The following RNF38 variants were observed in gnomAD, a reference collection of about 807,000 sequenced individuals.
RNF38 encodes the protein ring finger protein 38, also known as E3 ubiquitin-protein ligase RNF38.
RNF38 carries 15 observed loss-of-function variants against 67.2 expected under a neutral mutation model. The observed-to-expected ratio is 0.22, with a 90% confidence interval of 0.15 to 0.34. RNF38 has a LOEUF of 0.34. RNF38 is among the 10% of genes least tolerant of loss of function. The pLI is 1.00. For missense variants in RNF38, 524 were observed against 639.9 expected (o/e 0.82, Z 1.95); for synonymous variants, 220 against 218.8 (o/e 1.01, Z -0.05).
At chr9:36,393,255 A>C (rs898509392) in intron 1 of RNF38, among the ~76,000 whole-genome samples, 1 of 152,146 alleles carries the variant, frequency 6.6e-6, no homozygotes, top group African/African-American at 2.4e-5. Flanking sequence ...AGACAAATGA[A>C]AAACTGGCCA....
chr9:36,357,408 T>G (rs940982336), intron 5 of RNF38, among the ~76,000 whole-genome samples: 2 of 152,200 alleles, frequency 1.3e-5, no homozygotes, highest in Admixed American at 1.3e-4. Flanking sequence ...TGTTGAACAA[T>G]AAGGTCTCTG....
At chr9:36,457,764 C>T (rs1040343381) in intron 1 of RNF38, among the ~76,000 whole-genome samples, 2 of 151,836 alleles carry the variant, frequency 1.3e-5, no homozygotes, top group Non-Finnish European at 2.9e-5. Flanking sequence ...AAAAATTAAC[C>T]AGGCATGGTG....
intron 1 of RNF38, among the ~76,000 whole-genome samples, chr9:36,440,579 A>C (rs927179966): frequency 2.0e-5 from 3 of 152,122 alleles, no homozygotes; most frequent in African/African-American, 7.2e-5. Flanking sequence ...ACTGACATGG[A>C]AAAGTTACCA....
At chr9:36,430,744 T>C (rs774851079) in intron 1 of RNF38, among the ~76,000 whole-genome samples, 2 of 151,764 alleles carry the variant, frequency 1.3e-5, no homozygotes, top group Non-Finnish European at 2.9e-5. Flanking sequence ...GCGGCGGGGG[T>C]GCGGTTTCCA....
At chr9:36,393,908 A>C (rs1196810583) in intron 1 of RNF38, among the ~76,000 whole-genome samples, 1 of 152,190 alleles carries the variant, frequency 6.6e-6, no homozygotes, top group Non-Finnish European at 1.5e-5. Flanking sequence ...ACGACCAGCA[A>C]GAAATGGGGG....
At chr9:36,457,296 A>C (rs1429229066) in intron 1 of RNF38, among the ~76,000 whole-genome samples, 1 of 152,246 alleles carries the variant, frequency 6.6e-6, no homozygotes, top group Non-Finnish European at 1.5e-5. Context: ...CCCATACTGC[A>C]TACAGGTAAC....
chr9:36,464,789 T>C (rs780389680), intron 1 of RNF38, among the ~76,000 whole-genome samples: 20 of 152,154 alleles, frequency 1.3e-4, no homozygotes, highest in Non-Finnish European at 1.2e-4. Flanking sequence ...TACATAATTG[T>C]GTGGAACATT....
At chr9:36,387,018 A>G (rs2265347) in intron 2 of RNF38, among the ~76,000 whole-genome samples, 90,670 of 152,024 alleles carry the variant, frequency 0.6, 27,408 homozygotes, top group Non-Finnish European at 0.65. Context: ...GGCCAGGCTG[A>G]TCTCGAACTC....
At chr9:36,442,473 A>T (rs1425279738) in intron 1 of RNF38, among the ~76,000 whole-genome samples, 1 of 152,214 alleles carries the variant, frequency 6.6e-6, no homozygotes, top group East Asian at 1.9e-4. Flanking sequence ...CTCATATTTT[A>T]AAAATACATT....
At chr9:36,392,451 G>A (rs1280446647) in intron 1 of RNF38, among the ~76,000 whole-genome samples, 6 of 152,114 alleles carry the variant, frequency 3.9e-5, no homozygotes, top group Non-Finnish European at 7.4e-5. Flanking sequence ...GGAATATAGA[G>A]ACAGGCCAAA....
At chr9:36,398,833 G>C (rs1164346226) in intron 1 of RNF38, among the ~76,000 whole-genome samples, 2 of 152,144 alleles carry the variant, frequency 1.3e-5, no homozygotes, top group Non-Finnish European at 2.9e-5. Context: ...GAAATAGGTG[G>C]AATAAACTAG....
At chr9:36,398,842 A>G (rs1043099367) in intron 1 of RNF38, among the ~76,000 whole-genome samples, 1 of 152,252 alleles carries the variant, frequency 6.6e-6, no homozygotes, top group Non-Finnish European at 1.5e-5. Context: ...GGAATAAACT[A>G]GAAGACATAA....
chr9:36,376,182 T>A, intron 2 of RNF38, 55 bp from the exon 3 acceptor site: 1 of 1,322,016 alleles, frequency 7.6e-7, no homozygotes, highest in Admixed American at 2.6e-5. Flanking sequence ...GATTTCACAT[T>A]ACTGCATATG....
At chr9:36,433,227 C>CTATA (rs1463510136) in intron 1 of RNF38, among the ~76,000 whole-genome samples, 2 of 150,434 alleles carry the variant, frequency 1.3e-5, no homozygotes, top group East Asian at 3.9e-4. Flanking sequence ...AACAGGGTGA[C>CTATA]TATAGTCAAC....
At chr9:36,439,847 T>C (rs1839155454) in intron 1 of RNF38, among the ~76,000 whole-genome samples, 1 of 151,648 alleles carries the variant, frequency 6.6e-6, no homozygotes, top group Non-Finnish European at 1.5e-5. Flanking sequence ...ACCAATCTCC[T>C]TTCTCCAAAT....
At chr9:36,432,869 T>C (rs1194841158) in intron 1 of RNF38, among the ~76,000 whole-genome samples, 1 of 152,098 alleles carries the variant, frequency 6.6e-6, no homozygotes, top group African/African-American at 2.4e-5. Context: ...TAAGCATGAG[T>C]CATCACTATT....
intron 1 of RNF38, among the ~76,000 whole-genome samples, chr9:36,396,163 TA>T (rs1837493844): frequency 6.6e-6 from 1 of 152,212 alleles, no homozygotes; most frequent in Admixed American, 6.5e-5. Flanking sequence ...AACTATTTAT[TA>T]AAAGAATAAT....
At chr9:36,413,300 C>T (rs967518576) in intron 2 of RNF38, among the ~76,000 whole-genome samples, 2 of 151,894 alleles carry the variant, frequency 1.3e-5, no homozygotes, top group South Asian at 2.1e-4. Context: ...CATGTGATAT[C>T]GCCTCCTTTC....
At chr9:36,482,921 T>G (rs1840310680) in intron 1 of RNF38, among the ~76,000 whole-genome samples, 2 of 152,146 alleles carry the variant, frequency 1.3e-5, no homozygotes, top group Non-Finnish European at 2.9e-5. Flanking sequence ...AGATCACAGA[T>G]CACCTTTGCG....
Sources: allele counts gnomAD v4.1 joint callset (sites outside exome capture counted in the v4.1 genomes callset), GRCh38; gene constraint gnomAD v4.1.1; transcripts MANE v1.5; gene names NCBI Gene and HGNC (gene_info 2026-07-23, HGNC 2026-07-21).